The following MYRIP variants were observed in gnomAD, a reference collection of about 807,000 sequenced individuals.
MYRIP encodes rab effector MyRIP.
In MYRIP, 49 loss-of-function variants were observed where a neutral mutation model predicts 98.0. The observed-to-expected ratio is 0.50, with a 90% CI of 0.40 to 0.63. The LOEUF (loss-of-function observed/expected upper bound fraction) is 0.63, where lower values mean the gene tolerates loss of function less well. Ranked by LOEUF, MYRIP falls within the 30% of genes least tolerant of loss-of-function variation. MYRIP has a pLI of 0.00. For synonymous variants in MYRIP, 404 were observed against 409.5 expected (o/e 0.99, Z 0.16); for missense variants, 1,004 against 1,058.2 (o/e 0.95, Z 0.71).
intron 2 of MYRIP, among the ~76,000 whole-genome samples, chr3:39,911,584 T>C (rs1453667514): frequency 6.6e-6 from 1 of 152,208 alleles, no homozygotes; most frequent in Non-Finnish European, 1.5e-5. Context: ...TGGCATTACA[T>C]GTGCATAGAA....
chr3:40,049,292 T>G (rs1311088532), intron 3 of MYRIP, among the ~76,000 whole-genome samples: 4 of 152,170 alleles, frequency 2.6e-5, no homozygotes, highest in African/African-American at 9.7e-5. Context: ...GGCCACTTTT[T>G]CCGATAGCAT....
At chr3:39,851,544 G>GGAACTTCTGTCA (rs1179015834) in intron 1 of MYRIP, among the ~76,000 whole-genome samples, 2 of 152,136 alleles carry the variant, frequency 1.3e-5, no homozygotes, top group Non-Finnish European at 2.9e-5. Context: ...ACCAAGTATG[G>GGAACTTCTGTCA]CCAACAGAAG....
chr3:40,110,010 A>T (rs1219208860), intron 3 of MYRIP, among the ~76,000 whole-genome samples: 2 of 151,834 alleles, frequency 1.3e-5, no homozygotes, highest in Admixed American at 1.3e-4. Context: ...TGTAGGGAAA[A>T]AGGGTAACTA....
chr3:39,875,694 T>C (rs1208726287), intron 1 of MYRIP, among the ~76,000 whole-genome samples: 5 of 151,404 alleles, frequency 3.3e-5, no homozygotes, highest in Admixed American at 2.6e-4. Context: ...GATTGCACTG[T>C]GGTCTGAGAG....
At chr3:39,903,249 T>G (rs561549821) in intron 2 of MYRIP, among the ~76,000 whole-genome samples, 2 of 152,340 alleles carry the variant, frequency 1.3e-5, no homozygotes, top group South Asian at 4.1e-4. Context: ...GCTTGAATTT[T>G]GGGTATGTGA....
rs141372256 is a variant in MYRIP, at chr3:39,837,159, G to A, written c.-31+27243G>A. On this transcript the variant is annotated intron_variant, in intron 1 of 16. Transcript: ENST00000302541. ...ACCAACCTGAGTGAATCCCAACGCT[G>A]TAGGTTGCCTGTTCACTCTGATGAT... 1.3e-4 allele frequency among the ~76,000 whole-genome samples: 20 copies of A among 152,302 alleles called. No homozygotes were observed. The East Asian group carries it at 3.9e-3, about 29-fold the overall frequency.
Position 40,189,969 on chromosome 3 carries a change from G to T in MYRIP, c.1171G>T (p.Asp391Tyr). 7 of 1,614,118 alleles carry T rather than the reference G, an allele frequency of 4.3e-6. No individual in the cohort carries two copies. The highest frequency in any genetic ancestry group is 5.1e-6 in the Non-Finnish European group (6 of 1,180,036). The change falls in exon 10 of 17, where the codon GAT becomes TAT. Residue 391 changes from aspartate (D) to tyrosine (Y), a missense_variant. By Grantham distance (160) the Asp-to-Tyr change is radical (BLOSUM62 -3). This residue lies in a region of MYRIP where 880 missense variants were observed against 907.7 expected (regional missense o/e 0.97). Transcript: ENST00000302541. The stretch of plus-strand genomic sequence containing the variant: ...GGCCTCCAGTGTGGCATCTGCCTAC[G>T]ATGAGATGGGCTCCGATAGCGAGGA... Reference protein sequence around the residue: ...EVASSVASAYDEMGSDSEEDF... With the variant: ...EVASSVASAYYEMGSDSEEDF...
chr3:40,151,535 G>A (rs1026246956), intron 4 of MYRIP, among the ~76,000 whole-genome samples: 2 of 152,194 alleles, frequency 1.3e-5, no homozygotes, highest in Admixed American at 1.3e-4. Flanking sequence ...TGGCTACAGA[G>A]AGAGTACATC....
intron 4 of MYRIP, among the ~76,000 whole-genome samples, chr3:40,159,703 C>CT (rs1182716533): frequency 3.9e-5 from 6 of 152,120 alleles, no homozygotes; most frequent in Non-Finnish European, 7.3e-5. Context: ...TCTTTTCATT[C>CT]TTTTTTCTCT....
intron 3 of MYRIP, among the ~76,000 whole-genome samples, chr3:40,123,769 G>T (rs984575646): frequency 6.6e-6 from 1 of 152,192 alleles, no homozygotes; most frequent in Non-Finnish European, 1.5e-5. Flanking sequence ...CTGAGAAGCA[G>T]CTCATCCAAG....
At chr3:40,143,362 T>G (rs568280888) in intron 3 of MYRIP, among the ~76,000 whole-genome samples, 36 of 152,294 alleles carry the variant, frequency 2.4e-4, no homozygotes, top group African/African-American at 7.9e-4. Context: ...CACCTGAGCA[T>G]GGACCAGGGA....
At chr3:39,839,034 G>T (rs955608960) in intron 1 of MYRIP, among the ~76,000 whole-genome samples, 10 of 151,148 alleles carry the variant, frequency 6.6e-5, no homozygotes, top group African/African-American at 2.2e-4. Flanking sequence ...GGTCAGTGGT[G>T]ATATTCCCTT....
intron 1 of MYRIP, among the ~76,000 whole-genome samples, chr3:39,887,057 A>G (rs1321068018): frequency 6.6e-6 from 1 of 152,012 alleles, no homozygotes; most frequent in Non-Finnish European, 1.5e-5. Context: ...ACTCAACTAC[A>G]TGGAAACTGA....
intron 2 of MYRIP, among the ~76,000 whole-genome samples, chr3:39,999,927 C>T (rs868184538): frequency 9.4e-5 from 14 of 149,446 alleles, no homozygotes; most frequent in Non-Finnish European, 1.6e-4. Context: ...ATCGCAAGGA[C>T]AAAAAACCAA....
At chr3:39,896,190 G>C (rs376370602) in intron 1 of MYRIP, among the ~76,000 whole-genome samples, 1 of 152,230 alleles carries the variant, frequency 6.6e-6, no homozygotes, top group Non-Finnish European at 1.5e-5. Flanking sequence ...AGAACACCAA[G>C]ACTAACATCT....
At chr3:39,839,184 C>T (rs1941720190) in intron 1 of MYRIP, among the ~76,000 whole-genome samples, 1 of 151,184 alleles carries the variant, frequency 6.6e-6, no homozygotes, top group Admixed American at 6.6e-5. Flanking sequence ...GTCTCTGTCT[C>T]CTTCAGTTCT....
At chr3:39,997,487 G>A (rs1328873995) in intron 2 of MYRIP, among the ~76,000 whole-genome samples, 4 of 152,146 alleles carry the variant, frequency 2.6e-5, no homozygotes, top group African/African-American at 4.8e-5. Context: ...AAACCAGGAA[G>A]AAGTTGAATC....
chr3:40,061,998 G>C (rs1172931374), intron 3 of MYRIP, among the ~76,000 whole-genome samples: 1 of 152,130 alleles, frequency 6.6e-6, no homozygotes, highest in African/African-American at 2.4e-5. Context: ...CTGGATATTA[G>C]ACTTTTTTCT....
chr3:40,167,382 G>A lies in MYRIP; in HGVS notation c.729+143G>A. Reference sequence around the variant, plus strand: ...TCTCACTTTAGACTTTTGTGCCCTGGGGACCCATGCAGAGGGAATGCATCG... The same window carrying A: ...TCTCACTTTAGACTTTTGTGCCCTGAGGACCCATGCAGAGGGAATGCATCG... On this transcript the variant is annotated intron_variant, in intron 7 of 16. Coordinates refer to ENST00000302541, the MANE Select transcript of MYRIP (RefSeq NM_015460.4). 3 of 759,932 alleles carry A rather than the reference G, an allele frequency of 3.9e-6. No homozygotes were observed. In the South Asian group the frequency reaches 5.1e-5, roughly 13 times the overall value. The allele number at this position is 759,932 out of a possible 1,614,324, so 47.1% of individuals were successfully genotyped here. A position where few individuals can be genotyped will look rare whatever the true frequency, so the allele number is the denominator to read the frequency against.
Sources: allele counts gnomAD v4.1 joint callset (sites outside exome capture counted in the v4.1 genomes callset), GRCh38; gene constraint gnomAD v4.1.1; regional missense constraint gnomAD v4.1.1; transcripts MANE v1.5; gene names NCBI Gene and HGNC (gene_info 2026-07-23, HGNC 2026-07-21).